PTGR1: variants seen among roughly 807,000 people sequenced by gnomAD.
PTGR1 encodes 15-oxoprostaglandin 13-reductase.
PTGR1 carries 23 observed loss-of-function variants against 37.7 expected under a neutral mutation model. That is an observed-to-expected ratio of 0.61 (90% CI 0.44 to 0.86). The LOEUF is 0.86. Among genes scored for constraint, PTGR1 ranks in the 40% least tolerant of loss-of-function variants. PTGR1 has a pLI of 0.00. For missense variants in PTGR1, 351 were observed against 394.3 expected, an observed-to-expected ratio of 0.89 and a Z score of 0.93; for synonymous variants, 134 against 140.0, an observed-to-expected ratio of 0.96 and a Z score of 0.30.
At chr9:111,574,885 T>A (rs1828990507) in intron 7 of PTGR1, 43 bp from the exon 8 acceptor site, 5 of 1,422,044 alleles carry the variant, frequency 3.5e-6, no homozygotes, top group Non-Finnish European at 9.9e-7. Context: ...ATCTAAATAC[T>A]AGAGATTCAG....
At chr9:111,592,775 A>T in intron 4 of PTGR1, 151 bp downstream of exon 4, 1 of 1,065,328 alleles carries the variant, frequency 9.4e-7, no homozygotes, top group Non-Finnish European at 1.3e-6. Flanking sequence ...GTTAGGAAGG[A>T]GACAGAATTT....
chr9:111,559,629 AAC>A (rs905762878), downstream of PTGR1, among the ~76,000 whole-genome samples: 28 of 147,124 alleles, frequency 1.9e-4, no homozygotes, highest in East Asian at 6.0e-4. Context: ...ATACATATAT[AAC>A]ACACACACAC....
chr9:111,578,075 C>T lies in PTGR1; in HGVS notation c.651+721G>A, dbSNP rs192582702. On this transcript the variant is annotated intron_variant, in intron 7 of 9. Coordinates refer to ENST00000407693, the MANE Select transcript of PTGR1 (RefSeq NM_001146108.2). ...ATAGTAAAAAACATTGACTTCTACACGTTAAATGAGTGAATTACATGGTAC... is the reference window on the plus strand; with the variant it reads ...ATAGTAAAAAACATTGACTTCTACATGTTAAATGAGTGAATTACATGGTAC... Among the ~76,000 whole-genome samples the T allele has an allele frequency of 3.6e-3, 545 of 151,940 alleles. 7 individuals carry two copies. Among genetic ancestry groups the T allele is most frequent in the African/African-American group, 0.013 (530 of 41,448 alleles).
At chr9:111,580,482 G>A (rs13301698) in intron 6 of PTGR1, among the ~76,000 whole-genome samples, 27,876 of 152,016 alleles carry the variant, frequency 0.18, 2,741 homozygotes, top group Non-Finnish European at 0.23. Context: ...TGGGCCAGGC[G>A]CGGTGGCTCA....
At chr9:111,570,001 T>A in intron 9 of PTGR1, 90 bp downstream of exon 9, 1 of 1,575,634 alleles carries the variant, frequency 6.3e-7, no homozygotes, top group East Asian at 2.3e-5. Flanking sequence ...GCGGCAGAGA[T>A]GGGGAAGAAT....
Position 111,563,014 on chromosome 9 carries a change from G to T in PTGR1, c.*107C>A, listed in dbSNP as rs543647832. ...TTATTAAGTAGCTCAAACTCATTAT[G>T]AGTACTATTTCTTAAGACATTTAAG... On this transcript the variant is annotated 3_prime_UTR_variant, in exon 10 of 10. Transcript: ENST00000407693. 6.1e-6 allele frequency: 9 copies of T among 1,468,254 alleles called. No homozygotes were observed. In the African/African-American group the frequency reaches 1.3e-4, roughly 21 times the overall value. 91.0% of individuals were successfully genotyped at this position (1,468,254 alleles called of 1,614,324 possible).
intron 7 of PTGR1, chr9:111,576,622 T>A: frequency 1.9e-6 from 1 of 537,442 alleles, no homozygotes; most frequent in Non-Finnish European, 3.3e-6. Context: ...TAAAAGCTAC[T>A]AGGATGAGTT....
At chr9:111,585,933 C>T (rs1159798603) in intron 5 of PTGR1, 65 bp downstream of exon 5, 4 of 1,583,718 alleles carry the variant, frequency 2.5e-6, no homozygotes, top group Non-Finnish European at 3.5e-6. Context: ...AAGTTCTGAA[C>T]AAACCATTTT....
intron 6 of PTGR1, 125 bp from the exon 7 acceptor site, chr9:111,579,076 A>T: frequency 1.1e-6 from 1 of 890,112 alleles, no homozygotes; most frequent in Non-Finnish European, 1.6e-6. Context: ...GCCACATATA[A>T]AAGGAATACC....
intron 6 of PTGR1, among the ~76,000 whole-genome samples, chr9:111,581,657 A>G (rs1829284255): frequency 6.6e-6 from 1 of 152,078 alleles, no homozygotes; most frequent in African/African-American, 2.4e-5. Context: ...TTTAATTTAG[A>G]GACAAGGTCT....
At chr9:111,560,944 A>AATATAT (rs746101013), downstream of PTGR1, among the ~76,000 whole-genome samples, 2 of 31,212 alleles carry the variant, frequency 6.4e-5, no homozygotes, top group African/African-American at 1.5e-4. Flanking sequence ...CTCCATCTAA[A>AATATAT]ATATATATAT....
At chr9:111,582,963 T>C (rs1829325515) in intron 6 of PTGR1, among the ~76,000 whole-genome samples, 1 of 152,260 alleles carries the variant, frequency 6.6e-6, no homozygotes, top group Non-Finnish European at 1.5e-5. Context: ...ATTGGATCCC[T>C]TGAGCAGACA....
At chr9:111,573,311 C>T (rs1828912259) in intron 8 of PTGR1, among the ~76,000 whole-genome samples, 1 of 152,150 alleles carries the variant, frequency 6.6e-6, no homozygotes, top group Non-Finnish European at 1.5e-5. Context: ...AATAAGATTG[C>T]CAAGTAAATC....
At chr9:111,564,153 T>C in intron 9 of PTGR1, 1 of 737,078 alleles carries the variant, frequency 1.4e-6, no homozygotes, top group Non-Finnish European at 1.7e-6. Context: ...GAGACCTGAG[T>C]TACCTGATAC....
intron 4 of PTGR1, among the ~76,000 whole-genome samples, chr9:111,588,017 C>CT (rs1554819756): frequency 4.4e-4 from 62 of 140,286 alleles, no homozygotes; most frequent in African/African-American, 5.5e-4. Flanking sequence ...ATTATTTTTT[C>CT]TTTTTTTTTT....
chr9:111,554,612 C>T (rs890690255), intron 9 of PTGR1, among the ~76,000 whole-genome samples: 2 of 152,128 alleles, frequency 1.3e-5, no homozygotes, highest in Non-Finnish European at 2.9e-5. Context: ...GACTAACAGA[C>T]AGGTAGTGTA....
At chr9:111,595,103 C>T (rs1431932665) in intron 2 of PTGR1, among the ~76,000 whole-genome samples, 2 of 151,868 alleles carry the variant, frequency 1.3e-5, no homozygotes, top group South Asian at 2.1e-4. Flanking sequence ...GATCTGCCCA[C>T]CTTGGCCTCC....
Position 111,588,140 on chromosome 9 carries a change from TGAGTAGCTGGGACC to T in PTGR1, c.210-1989_210-1976del, listed in dbSNP as rs558761700. Among the ~76,000 whole-genome samples the T allele has an allele frequency of 7.3e-5, 11 of 151,394 alleles. No homozygotes were observed. In the East Asian group the frequency reaches 1.4e-3, roughly 19 times the overall value. On this transcript the variant is annotated intron_variant, in intron 4 of 9. Coordinates refer to ENST00000407693, the MANE Select transcript of PTGR1 (RefSeq NM_001146108.2). ...AAATGATCCTCCCACCTTGGCCTCCTGAGTAGCTGGGACCGAGTAGCTGGGACCACAGTAGCACA... is the reference window on the plus strand; with the variant it reads ...AAATGATCCTCCCACCTTGGCCTCCTGAGTAGCTGGGACCACAGTAGCACA...
intron 9 of PTGR1, among the ~76,000 whole-genome samples, chr9:111,557,419 C>T (rs747588985): frequency 5.4e-5 from 8 of 147,770 alleles, no homozygotes; most frequent in Non-Finnish European, 1.2e-4. Context: ...AGGTACCATG[C>T]CGTTGAACAG....
Sources: gnomAD v4.1 joint callset for allele counts (sites outside exome capture counted in the v4.1 genomes callset) on GRCh38, gnomAD v4.1.1 for gene constraint, MANE v1.5 for transcripts, NCBI Gene and HGNC (gene_info 2026-07-23, HGNC 2026-07-21) for gene names.